The following IFT52 variants were observed in gnomAD, a reference collection of about 807,000 sequenced individuals.
IFT52 encodes the protein intraflagellar transport 52.
Under a neutral mutation model 54.4 loss-of-function variants are expected in IFT52, and 44 were observed. That is an observed-to-expected ratio of 0.81 (90% CI 0.63 to 1.04). IFT52 has a LOEUF of 1.04. Among genes scored for constraint, IFT52 ranks in the 50% least tolerant of loss-of-function variants. IFT52 has a pLI of 0.00. For missense variants in IFT52, 452 were observed against 523.6 expected, an observed-to-expected ratio of 0.86 and a Z score of 1.33; for synonymous variants, 181 against 185.3, an observed-to-expected ratio of 0.98 and a Z score of 0.19.
At chr20:43,612,881 C>G (rs1178963219) in intron 6 of IFT52, among the ~76,000 whole-genome samples, 2 of 152,160 alleles carry the variant, frequency 1.3e-5, no homozygotes, top group African/African-American at 4.8e-5. Flanking sequence ...GTGTTTCTCT[C>G]CATTCTGAGA....
chr20:43,591,331 C>G (rs1233079333), intron 1 of IFT52, among the ~76,000 whole-genome samples: 1 of 152,208 alleles, frequency 6.6e-6, no homozygotes, highest in Non-Finnish European at 1.5e-5. Flanking sequence ...TCTCTTCTGT[C>G]GTGGCTGCGA....
chr20:43,619,544 A>G (rs1984110198), intron 8 of IFT52, among the ~76,000 whole-genome samples: 1 of 152,168 alleles, frequency 6.6e-6, no homozygotes, highest in African/African-American at 2.4e-5. Flanking sequence ...TGGTGGTGTC[A>G]CCAGGCAAGG....
chr20:43,636,042 T>C (rs774345099), intron 11 of IFT52, 29 bp downstream of exon 11: 2 of 1,601,918 alleles, frequency 1.2e-6, no homozygotes, highest in East Asian at 2.2e-5. Context: ...GAGATCCCAC[T>C]GCAGAGCCCC....
intron 12 of IFT52, among the ~76,000 whole-genome samples, chr20:43,641,740 C>G (rs1003994025): frequency 6.6e-6 from 1 of 151,646 alleles, no homozygotes; most frequent in African/African-American, 2.4e-5. Flanking sequence ...GTGATCCGCT[C>G]ACCTTGGCCT....
At chr20:43,641,342 A>T (rs1243587577) in intron 12 of IFT52, among the ~76,000 whole-genome samples, 3 of 151,990 alleles carry the variant, frequency 2.0e-5, no homozygotes, top group Non-Finnish European at 4.4e-5. Flanking sequence ...GGTTCAAGCG[A>T]TTCTCCTGCC....
intron 6 of IFT52, among the ~76,000 whole-genome samples, chr20:43,610,460 G>A (rs6103394): frequency 0.9 from 136,762 of 152,172 alleles, 61,615 homozygotes; most frequent in African/African-American, 0.96. Context: ...TAGGCTGGGC[G>A]CAGTGACTCA....
intron 7 of IFT52, among the ~76,000 whole-genome samples, chr20:43,618,557 C>T (rs533250637): frequency 1.3e-5 from 2 of 152,286 alleles, no homozygotes; most frequent in East Asian, 3.9e-4. Context: ...TCTCAGCTCA[C>T]TGCAACCTCC....
chr20:43,616,819 G>C (rs577493486), intron 7 of IFT52, among the ~76,000 whole-genome samples: 1 of 152,222 alleles, frequency 6.6e-6, no homozygotes, highest in African/African-American at 2.4e-5. Flanking sequence ...CCAGGAGTTT[G>C]ATACCAGCCT....
chr20:43,629,235 A>G (rs1355964702), intron 10 of IFT52, among the ~76,000 whole-genome samples: 1 of 152,204 alleles, frequency 6.6e-6, no homozygotes, highest in African/African-American at 2.4e-5. Flanking sequence ...CTTATACATC[A>G]TATCCAAAAG....
intron 3 of IFT52, among the ~76,000 whole-genome samples, chr20:43,597,804 G>A (rs1982098466): frequency 7.0e-6 from 1 of 143,254 alleles, no homozygotes; most frequent in Non-Finnish European, 1.5e-5. Context: ...TGAGGCAGGA[G>A]AATCACTTGA....
chr20:43,633,442 G>T (rs968839369), intron 10 of IFT52, among the ~76,000 whole-genome samples: 1 of 151,716 alleles, frequency 6.6e-6, no homozygotes, highest in Non-Finnish European at 1.5e-5. Flanking sequence ...GGGCACAGTG[G>T]CTCACACCTG....
intron 10 of IFT52, 124 bp downstream of exon 10, chr20:43,624,169 C>G: frequency 9.4e-7 from 1 of 1,060,482 alleles, no homozygotes; most frequent in Non-Finnish European, 1.4e-6. Context: ...GTTCTCAGAT[C>G]TATGATGAGG....
intron 2 of IFT52, among the ~76,000 whole-genome samples, chr20:43,595,916 G>A (rs1382190622): frequency 2.0e-5 from 3 of 152,010 alleles, no homozygotes; most frequent in Non-Finnish European, 4.4e-5. Flanking sequence ...AATGTCTTTC[G>A]AAATCAGCAA....
intron 10 of IFT52, among the ~76,000 whole-genome samples, chr20:43,634,450 AACAG>A (rs1985385147): frequency 6.6e-6 from 1 of 152,214 alleles, no homozygotes; most frequent in Non-Finnish European, 1.5e-5. Context: ...GAGTATCTGA[AACAG>A]ACAGAAACTA....
chr20:43,604,889 T>C (rs1982734757), intron 5 of IFT52, 113 bp from the exon 6 acceptor site: 1 of 1,075,512 alleles, frequency 9.3e-7, no homozygotes, highest in Admixed American at 2.1e-5. Context: ...AGCCTTGACC[T>C]CCCAGGCTTA....
intron 6 of IFT52, among the ~76,000 whole-genome samples, chr20:43,613,039 A>G (rs544567366): frequency 2.6e-5 from 4 of 152,304 alleles, no homozygotes; most frequent in African/African-American, 9.6e-5. Context: ...GGTCAGACCA[A>G]TTCACTCTAG....
Position 43,618,926 on chromosome 20 carries a change from T to C in IFT52, c.613-14T>C. On this transcript the variant is annotated splice_polypyrimidine_tract_variant and intron_variant, in intron 7 of 13. Transcript: ENST00000373030. ...TTCGGATTTGAGTATCTGACCCTGC[T>C]TTGTCATCAATAGAACCAAGGTGGG... 1.3e-6 allele frequency: 2 copies of C among 1,597,778 alleles called. No individual in the cohort carries two copies. The highest frequency in any genetic ancestry group is 1.7e-6 in the Non-Finnish European group (2 of 1,165,660).
At chr20:43,619,508 A>C (rs919163087) in intron 8 of IFT52, among the ~76,000 whole-genome samples, 3 of 152,062 alleles carry the variant, frequency 2.0e-5, no homozygotes, top group Admixed American at 6.6e-5. Context: ...GGAAAGGAGG[A>C]GGCAGCCTAG....
intron 2 of IFT52, 28 bp downstream of exon 2, chr20:43,594,845 T>A: frequency 8.9e-7 from 1 of 1,122,526 alleles, no homozygotes; most frequent in Non-Finnish European, 1.4e-6. Flanking sequence ...TTGTTTTCCC[T>A]TCTAAATGAT....
Sources: gnomAD v4.1 joint callset for allele counts (sites outside exome capture counted in the v4.1 genomes callset) on GRCh38, gnomAD v4.1.1 for gene constraint, MANE v1.5 for transcripts, NCBI Gene and HGNC (gene_info 2026-07-23, HGNC 2026-07-21) for gene names.